Variants in PCDH15 observed in about 807,000 individuals in gnomAD.
PCDH15 encodes the protein protocadherin-15.
A neutral mutation model predicts 178.5 loss-of-function variants in PCDH15; 129 were observed. That is an observed-to-expected ratio of 0.72 (90% CI 0.63 to 0.84). PCDH15 has a LOEUF of 0.84. PCDH15 is among the 40% of genes least tolerant of loss of function. PCDH15 has a pLI of 0.00. For missense variants in PCDH15, 2,230 were observed against 2,099.9 expected (o/e 1.06, Z -1.21); for synonymous variants, 800 against 732.0 (o/e 1.09, Z -1.50).
intron 1 of PCDH15, among the ~76,000 whole-genome samples, chr10:54,718,684 C>CTTTTT (rs71461255): frequency 2.7e-4 from 30 of 111,500 alleles, no homozygotes; most frequent in Non-Finnish European, 2.8e-4. Flanking sequence ...CACACTGATT[C>CTTTTT]TTTTTTTTTT....
intron 2 of PCDH15, among the ~76,000 whole-genome samples, chr10:55,007,012 C>G (rs527929101): frequency 6.6e-6 from 1 of 152,072 alleles, no homozygotes; most frequent in African/African-American, 2.4e-5. Flanking sequence ...AGCACCTCCC[C>G]CCAGCACCCA....
intron 10 of PCDH15, among the ~76,000 whole-genome samples, chr10:54,203,447 A>G (rs1391921555): frequency 6.6e-6 from 1 of 152,144 alleles, no homozygotes; most frequent in Non-Finnish European, 1.5e-5. Flanking sequence ...TTACTTTATC[A>G]TTTTTAAATA....
intron 13 of PCDH15, 69 bp downstream of exon 13, chr10:54,183,375 T>A (rs911883480): frequency 2.1e-6 from 3 of 1,410,454 alleles, no homozygotes; most frequent in Non-Finnish European, 3.0e-6. Context: ...AATTTCTTCA[T>A]GAGCATATCG....
intron 3 of PCDH15, among the ~76,000 whole-genome samples, chr10:54,522,433 T>C (rs543351266): frequency 6.6e-6 from 1 of 152,360 alleles, no homozygotes; most frequent in Admixed American, 6.5e-5. Flanking sequence ...TTGAATTTAT[T>C]CCTCTGTCTA....
chr10:55,590,013 CG>C lies in PCDH15; in HGVS notation c.-156+37611del, dbSNP rs1210774789. Among the ~76,000 whole-genome samples the C allele has an allele frequency of 7.5e-5, 11 of 146,000 alleles. No individual in the cohort carries two copies. The Admixed American group carries it at 7.6e-4, about 10-fold the overall frequency. ...ATGCTGCTATAAAGACACATGCACA[CG>C]TATGTTTATTGTGGCACTATTCACA... On this transcript the variant is annotated intron_variant, in intron 2 of 5. Coordinates refer to the PCDH15 transcript ENST00000613346.
At chr10:54,240,174 C>A (rs2055085544) in intron 8 of PCDH15, among the ~76,000 whole-genome samples, 1 of 151,690 alleles carries the variant, frequency 6.6e-6, no homozygotes, top group Non-Finnish European at 1.5e-5. Flanking sequence ...GCAAGAACAA[C>A]CCAGATTGAA....
At position 54,146,952 on chromosome 10, in the gene PCDH15, A is replaced by ATATATATAATGTATATATATAGTG. The variant is rs1564530634; in HGVS notation, c.1784+6147_1784+6148insCACTATATATATACATTATATATA. ...TATATATAATGTATATATATAGTGT[A>ATATATATAATGTATATATATAGTG]TATATATATAATGTATATATATAGT... On this transcript the variant is annotated intron_variant, in intron 14 of 37. Transcript: ENST00000644397. 4.3e-3 allele frequency among the ~76,000 whole-genome samples: 423 copies of ATATATATAATGTATATATATAGTG among 99,012 alleles called. 50 individuals are homozygous for ATATATATAATGTATATATATAGTG. Among genetic ancestry groups the ATATATATAATGTATATATATAGTG allele is most frequent in the African/African-American group, 0.018 (396 of 22,554 alleles). 65.0% of individuals were successfully genotyped at this position (99,012 alleles called of 152,430 possible). A position where few individuals can be genotyped will look rare whatever the true frequency, so the allele number is the denominator to read the frequency against.
chr10:55,341,799 ATATATATTTTTTTTTTTTTT>A (rs1458481355), intron 2 of PCDH15, among the ~76,000 whole-genome samples: 26 of 11,480 alleles, frequency 2.3e-3, no homozygotes, highest in African/African-American at 0.01. Flanking sequence ...ATATATATAT[ATATATATTTTTTTTTTTTTT>A]TTTTTTTTTT....
At chr10:54,047,944 G>GT (rs1219811292) in intron 18 of PCDH15, among the ~76,000 whole-genome samples, 2 of 152,170 alleles carry the variant, frequency 1.3e-5, no homozygotes, top group Admixed American at 1.3e-4. Context: ...CTATAAGAAT[G>GT]TTGGTTCAAG....
rs545892677 is a variant in PCDH15 at position 54,496,015 on chromosome 10, A to G, written c.157+31797T>C. Among the ~76,000 whole-genome samples the G allele has an allele frequency of 2.0e-5, 3 of 152,290 alleles. No homozygotes were observed. The East Asian group carries it at 5.8e-4, about 29-fold the overall frequency. On this transcript the variant is annotated intron_variant, in intron 3 of 37. Transcript: ENST00000644397. Reference sequence around the variant, plus strand: ...ACTTCAAGTAAAACATGAAAACTAGATTAAATTTCAGGTTATTGTTTCTCA... The same window carrying G: ...ACTTCAAGTAAAACATGAAAACTAGGTTAAATTTCAGGTTATTGTTTCTCA...
intron 2 of PCDH15, among the ~76,000 whole-genome samples, chr10:55,053,470 T>C (rs1210886753): frequency 6.6e-6 from 1 of 152,172 alleles, no homozygotes; most frequent in East Asian, 1.9e-4. Flanking sequence ...ACTTCAACAT[T>C]AACATAAGGG....
intron 3 of PCDH15, among the ~76,000 whole-genome samples, chr10:54,813,124 C>G (rs936400639): frequency 6.6e-6 from 1 of 152,168 alleles, no homozygotes; most frequent in Non-Finnish European, 1.5e-5. Flanking sequence ...TCTCCTATGC[C>G]TGTGGCTCTT....
chr10:54,358,017 G>A (rs910956565), intron 5 of PCDH15, among the ~76,000 whole-genome samples: 2 of 151,168 alleles, frequency 1.3e-5, no homozygotes, highest in African/African-American at 4.9e-5. Flanking sequence ...ATTAATTCAA[G>A]ATGGATTAAA....
intron 2 of PCDH15, among the ~76,000 whole-genome samples, chr10:55,526,814 A>G (rs914429189): frequency 6.6e-6 from 1 of 152,004 alleles, no homozygotes; most frequent in Non-Finnish European, 1.5e-5. Context: ...TGGACTTTCA[A>G]CTTCTCAGAG....
intron 2 of PCDH15, among the ~76,000 whole-genome samples, chr10:55,027,537 G>T (rs2131962397): frequency 6.6e-6 from 1 of 151,848 alleles, no homozygotes; most frequent in East Asian, 1.9e-4. Context: ...CTTCTATTTG[G>T]GGTGAAAAGG....
intron 14 of PCDH15, among the ~76,000 whole-genome samples, chr10:54,148,188 T>TACAATAAGA (rs1335201227): frequency 2.6e-5 from 4 of 152,040 alleles, no homozygotes; most frequent in Non-Finnish European, 2.9e-5. Context: ...TTGTAGATTC[T>TACAATAAGA]GTAACTACTC....
intron 2 of PCDH15, among the ~76,000 whole-genome samples, chr10:55,104,034 G>A (rs1842625739): frequency 6.6e-6 from 1 of 151,820 alleles, no homozygotes; most frequent in Non-Finnish European, 1.5e-5. Flanking sequence ...ATAGATAAGG[G>A]CAGTCTTGAT....
chr10:54,407,455 T>C (rs1175393725), intron 3 of PCDH15, among the ~76,000 whole-genome samples: 1 of 152,108 alleles, frequency 6.6e-6, no homozygotes, highest in East Asian at 1.9e-4. Context: ...ATATTATCAT[T>C]TTTTAATCTG....
At chr10:54,018,469 C>T (rs2092811937) in intron 20 of PCDH15, among the ~76,000 whole-genome samples, 1 of 152,060 alleles carries the variant, frequency 6.6e-6, no homozygotes, top group Non-Finnish European at 1.5e-5. Context: ...TGGACTTTAA[C>T]TATAATCACT....
Sources: gnomAD v4.1 joint callset for allele counts (sites outside exome capture counted in the v4.1 genomes callset) on GRCh38, gnomAD v4.1.1 for gene constraint, MANE v1.5 for transcripts, NCBI Gene and HGNC (gene_info 2026-07-23, HGNC 2026-07-21) for gene names.